The following FHOD3 variants were observed in gnomAD, a reference collection of about 807,000 sequenced individuals.
FHOD3 encodes the protein FH1/FH2 domain-containing protein 3.
Under a neutral mutation model 173.0 loss-of-function variants are expected in FHOD3, and 90 were observed. The ratio of observed to expected loss-of-function variants is 0.52; its 90% confidence interval spans 0.44 to 0.62. The LOEUF is 0.62. Ranked by LOEUF, FHOD3 falls within the 20% of genes least tolerant of loss-of-function variation. The pLI, the probability that FHOD3 is intolerant of heterozygous loss-of-function variation, is 0.00. For missense variants in FHOD3, 1,945 were observed against 2,034.7 expected (o/e 0.96, Z 0.85); for synonymous variants, 828 against 823.0 (o/e 1.01, Z -0.10).
At chr18:36,485,963 C>T (rs1389270236) in intron 3 of FHOD3, among the ~76,000 whole-genome samples, 1 of 152,180 alleles carries the variant, frequency 6.6e-6, no homozygotes, top group Non-Finnish European at 1.5e-5. Context: ...CCAGAGTTTA[C>T]CCAAATGACT....
At chr18:36,505,757 A>C (rs73947195) in intron 4 of FHOD3, among the ~76,000 whole-genome samples, 5,218 of 152,294 alleles carry the variant, frequency 0.034, 272 homozygotes, top group African/African-American at 0.12. Context: ...TGTGGATGAA[A>C]AAACATTACT....
intron 5 of FHOD3, among the ~76,000 whole-genome samples, chr18:36,522,675 T>C (rs1219314548): frequency 6.6e-6 from 1 of 152,188 alleles, no homozygotes; most frequent in Non-Finnish European, 1.5e-5. Context: ...GAGTGCCTCA[T>C]AAATATTCAA....
chr18:36,354,831 A>G (rs2046286433), intron 1 of FHOD3, among the ~76,000 whole-genome samples: 1 of 150,558 alleles, frequency 6.6e-6, no homozygotes, highest in East Asian at 1.9e-4. Flanking sequence ...AAAAATTTTT[A>G]AAAATGAGAT....
intron 5 of FHOD3, among the ~76,000 whole-genome samples, chr18:36,536,493 C>T (rs781735455): frequency 1.3e-5 from 2 of 152,228 alleles, no homozygotes; most frequent in Non-Finnish European, 2.9e-5. Flanking sequence ...GGGGTCACAT[C>T]GCTGTACTCT....
chr18:36,646,667 T>C (rs143724652), intron 10 of FHOD3, among the ~76,000 whole-genome samples: 138 of 152,296 alleles, frequency 9.1e-4, no homozygotes, highest in African/African-American at 3.2e-3. Context: ...ACCCCTATCT[T>C]ACATGATAAC....
intron 6 of FHOD3, among the ~76,000 whole-genome samples, chr18:36,577,989 C>CG (rs1260175126): frequency 3.3e-5 from 5 of 152,144 alleles, no homozygotes; most frequent in African/African-American, 1.2e-4. Context: ...AAGTGCTGTA[C>CG]GGGTGGCACG....
intron 3 of FHOD3, among the ~76,000 whole-genome samples, chr18:36,423,971 C>T (rs2050119495): frequency 1.3e-5 from 2 of 152,172 alleles, no homozygotes; most frequent in Admixed American, 1.3e-4. Context: ...ACGTGGATTT[C>T]ACATTTGCTG....
At chr18:36,348,253 A>G (rs1354990398) in intron 1 of FHOD3, among the ~76,000 whole-genome samples, 2 of 152,228 alleles carry the variant, frequency 1.3e-5, no homozygotes. Context: ...CCTAGCAACA[A>G]AAGTACCATT....
intron 6 of FHOD3, among the ~76,000 whole-genome samples, chr18:36,586,387 C>T (rs918762296): frequency 2.0e-5 from 3 of 152,162 alleles, no homozygotes; most frequent in African/African-American, 7.2e-5. Flanking sequence ...CCCTCAACCA[C>T]GAATTTCATT....
At chr18:36,349,795 A>G (rs115780173) in intron 1 of FHOD3, among the ~76,000 whole-genome samples, 2,046 of 152,086 alleles carry the variant, frequency 0.013, 33 homozygotes, top group African/African-American at 0.046. Flanking sequence ...TTTTCTTTAG[A>G]TGACAGTCTC....
intron 5 of FHOD3, among the ~76,000 whole-genome samples, chr18:36,517,717 T>C (rs964785579): frequency 1.3e-5 from 2 of 152,258 alleles, no homozygotes; most frequent in African/African-American, 4.8e-5. Flanking sequence ...AACCTTTTCA[T>C]TTTAGAAGAA....
At chr18:36,502,071 C>G in intron 4 of FHOD3, 72 bp downstream of exon 4, 2 of 963,860 alleles carry the variant, frequency 2.1e-6, no homozygotes, top group Non-Finnish European at 3.1e-6. Flanking sequence ...AAGCTTCTAC[C>G]TGTACTTGTT....
At chr18:36,752,818 G>A (rs1286171686) in intron 24 of FHOD3, among the ~76,000 whole-genome samples, 1 of 152,180 alleles carries the variant, frequency 6.6e-6, no homozygotes, top group Non-Finnish European at 1.5e-5. Flanking sequence ...ATAGGACCCA[G>A]AATGTTAATC....
intron 14 of FHOD3, among the ~76,000 whole-genome samples, chr18:36,665,270 C>G (rs1568573200): frequency 6.6e-6 from 1 of 152,182 alleles, no homozygotes. Context: ...GTCTTACATA[C>G]TCATATATTT....
intron 5 of FHOD3, among the ~76,000 whole-genome samples, chr18:36,550,283 C>T (rs2057595804): frequency 9.2e-6 from 1 of 108,684 alleles, no homozygotes; most frequent in African/African-American, 3.4e-5. Flanking sequence ...TGTTTCTGAA[C>T]TTTTCATTCC....
At chr18:36,706,942 C>T (rs1369999430) in intron 17 of FHOD3, among the ~76,000 whole-genome samples, 1 of 152,186 alleles carries the variant, frequency 6.6e-6, no homozygotes, top group Non-Finnish European at 1.5e-5. Context: ...TGTGCTCTTG[C>T]CATGCTTGTA....
intron 27 of FHOD3, among the ~76,000 whole-genome samples, chr18:36,763,055 T>TATATA (rs1420542983): frequency 6.7e-6 from 1 of 148,502 alleles, no homozygotes; most frequent in Admixed American, 6.8e-5. Context: ...TTATACACGT[T>TATATA]ATATATAATA....
At chr18:36,650,728 AAACCCTCAGGTATGCAC>A (rs2035991055) in intron 11 of FHOD3, among the ~76,000 whole-genome samples, 1 of 152,206 alleles carries the variant, frequency 6.6e-6, no homozygotes, top group Non-Finnish European at 1.5e-5. Flanking sequence ...ACAAACCCTT[AAACCCTCAGGTATGCAC>A]ATGCTTCTGC....
chr18:36,509,438 A>G (rs1416577291), intron 4 of FHOD3, among the ~76,000 whole-genome samples: 4 of 78,516 alleles, frequency 5.1e-5, no homozygotes, highest in Non-Finnish European at 1.2e-4. Flanking sequence ...AAAAAAAAAA[A>G]AAAGAAAAAA....
Sources: gnomAD v4.1 joint callset for allele counts (sites outside exome capture counted in the v4.1 genomes callset) on GRCh38, gnomAD v4.1.1 for gene constraint, MANE v1.5 for transcripts, NCBI Gene and HGNC (gene_info 2026-07-23, HGNC 2026-07-21) for gene names.